IPO11: variants seen among roughly 807,000 people sequenced by gnomAD.
The protein encoded by IPO11 is importin-11.
Under a neutral mutation model 143.2 loss-of-function variants are expected in IPO11, and 66 were observed. That is an observed-to-expected ratio of 0.46 (90% CI 0.38 to 0.57). IPO11 has a LOEUF of 0.57. Among genes scored for constraint, IPO11 ranks in the 20% least tolerant of loss-of-function variants. IPO11 has a pLI of 0.00. For synonymous variants in IPO11, 385 were observed against 377.8 expected, an observed-to-expected ratio of 1.02 and a Z score of -0.22; for missense variants, 1,026 against 1,141.0, an observed-to-expected ratio of 0.90 and a Z score of 1.45.
At chr5:62,473,413 G>A (rs1038285341) in intron 7 of IPO11, among the ~76,000 whole-genome samples, 1 of 152,158 alleles carries the variant, frequency 6.6e-6, no homozygotes. Context: ...TGAGTCAGTG[G>A]ATGGATATTG....
intron 21 of IPO11, 81 bp downstream of exon 21, chr5:62,526,338 G>A (rs1742369471): frequency 3.2e-6 from 3 of 931,324 alleles, no homozygotes; most frequent in African/African-American, 1.7e-5. Flanking sequence ...TTAAGGTCAT[G>A]TAATAGGGCT....
intron 2 of IPO11, 105 bp downstream of exon 2, chr5:62,437,522 A>G: frequency 1.1e-6 from 1 of 875,542 alleles, no homozygotes; most frequent in Non-Finnish European, 1.7e-6. Context: ...ATAGATTCAG[A>G]TGTTTGGCTG....
chr5:62,517,698 C>T (rs760340082), intron 20 of IPO11, among the ~76,000 whole-genome samples: 27 of 152,300 alleles, frequency 1.8e-4, no homozygotes, highest in African/African-American at 5.8e-4. Context: ...CCACTGCTCC[C>T]GGCCTCCAAG....
intron 22 of IPO11, among the ~76,000 whole-genome samples, chr5:62,532,299 T>G (rs1257540631): frequency 6.6e-6 from 1 of 152,210 alleles, no homozygotes; most frequent in Non-Finnish European, 1.5e-5. Context: ...ATTTTTAGTG[T>G]AGCTTTAGGT....
At chr5:62,591,150 T>A (rs998443144) in intron 27 of IPO11, among the ~76,000 whole-genome samples, 16 of 152,298 alleles carry the variant, frequency 1.1e-4, no homozygotes, top group African/African-American at 3.6e-4. Flanking sequence ...AGAGTTCTTT[T>A]TACATCCTAG....
intron 13 of IPO11, among the ~76,000 whole-genome samples, 153 bp downstream of exon 13, chr5:62,488,014 A>C (rs1284691939): frequency 6.6e-6 from 1 of 152,206 alleles, no homozygotes; most frequent in East Asian, 1.9e-4. Context: ...TTATCTTCCA[A>C]GGGGGTGGCA....
intron 5 of IPO11, 50 bp downstream of exon 5, chr5:62,451,983 G>T: frequency 2.7e-6 from 4 of 1,477,712 alleles, no homozygotes; most frequent in South Asian, 1.1e-5. Context: ...GTGCGGCCGG[G>T]CGTGGTGGCT....
At chr5:62,420,814 C>CTA (rs1561302639) in intron 1 of IPO11, among the ~76,000 whole-genome samples, 1 of 152,134 alleles carries the variant, frequency 6.6e-6, no homozygotes, top group Non-Finnish European at 1.5e-5. Flanking sequence ...CTCCTGCACT[C>CTA]TAAGTGATCC....
intron 1 of IPO11, chr5:62,419,225 C>G: frequency 7.7e-7 from 1 of 1,302,104 alleles, no homozygotes; most frequent in Non-Finnish European, 1.0e-6. Flanking sequence ...GGGCACTTAC[C>G]TCGAATGGAG....
At chr5:62,616,483 C>T (rs1746139722) in intron 29 of IPO11, among the ~76,000 whole-genome samples, 1 of 151,984 alleles carries the variant, frequency 6.6e-6, no homozygotes, top group Non-Finnish European at 1.5e-5. Context: ...CCTGTAATCC[C>T]AGCACTTTGG....
chr5:62,452,029 C>T (rs1171027103), intron 5 of IPO11, 96 bp downstream of exon 5: 21 of 938,626 alleles, frequency 2.2e-5, no homozygotes, highest in East Asian at 4.9e-5. Flanking sequence ...GAGGCCGAGG[C>T]GGGTGGATCA....
intron 1 of IPO11, among the ~76,000 whole-genome samples, chr5:62,424,412 T>C (rs1580160331): frequency 6.6e-6 from 1 of 151,720 alleles, no homozygotes; most frequent in Non-Finnish European, 1.5e-5. Context: ...GTGCTGGGAT[T>C]ACGGGTGTGA....
intron 24 of IPO11, among the ~76,000 whole-genome samples, chr5:62,544,213 C>T (rs190558890): frequency 3.6e-4 from 54 of 151,966 alleles, no homozygotes; most frequent in South Asian, 2.7e-3. Context: ...AATAAAATAC[C>T]GTCAAACCGA....
intron 21 of IPO11, 190 bp downstream of exon 21, chr5:62,526,447 T>C: frequency 2.4e-6 from 1 of 421,294 alleles, no homozygotes; most frequent in Non-Finnish European, 4.3e-6. Context: ...TAGACAAAGT[T>C]AAAGGGGGAC....
Position 62,474,480 on chromosome 5 carries a change from G to A in IPO11, c.757+16G>A. On this transcript the variant is annotated intron_variant, in intron 8 of 29. Transcript: ENST00000325324. ...CTGGAATGCAGTAAGTACTTTCGTT[G>A]CAGTCCTTTTTACTGTAGAATTTTT... 6.4e-7 allele frequency: 1 copy of A among 1,563,930 alleles called. No homozygotes were observed. Among genetic ancestry groups the A allele is most frequent in the Non-Finnish European group, 8.7e-7 (1 of 1,155,366 alleles).
chr5:62,483,597 AG>A (rs1746289972), intron 10 of IPO11, among the ~76,000 whole-genome samples: 1 of 152,142 alleles, frequency 6.6e-6, no homozygotes, highest in Non-Finnish European at 1.5e-5. Flanking sequence ...AACAAATAAA[AG>A]CTTTCTCTGA....
intron 9 of IPO11, among the ~76,000 whole-genome samples, chr5:62,480,451 A>G (rs946464421): frequency 7.9e-5 from 12 of 152,202 alleles, no homozygotes; most frequent in African/African-American, 2.9e-4. Context: ...TGAACTTTAA[A>G]GTAGTTTTTT....
At chr5:62,622,725 TAGAA>T (rs1252407878) in intron 29 of IPO11, among the ~76,000 whole-genome samples, 2 of 152,212 alleles carry the variant, frequency 1.3e-5, no homozygotes, top group African/African-American at 4.8e-5. Context: ...CAAGGACTAA[TAGAA>T]AGAAAAATAA....
At chr5:62,522,951 C>T (rs894626894) in intron 20 of IPO11, among the ~76,000 whole-genome samples, 1 of 152,186 alleles carries the variant, frequency 6.6e-6, no homozygotes, top group Admixed American at 6.5e-5. Context: ...ATCCTCTGTC[C>T]CCTAAATGCA....
Sources: gnomAD v4.1 joint callset for allele counts (sites outside exome capture counted in the v4.1 genomes callset) on GRCh38, gnomAD v4.1.1 for gene constraint, MANE v1.5 for transcripts, NCBI Gene and HGNC (gene_info 2026-07-23, HGNC 2026-07-21) for gene names.